Variants in MIER2 observed in about 807,000 individuals in gnomAD.
MIER2 encodes mesoderm induction early response protein 2.
MIER2 carries 30 observed loss-of-function variants against 67.6 expected under a neutral mutation model. That is an observed-to-expected ratio of 0.44 (90% confidence interval 0.33 to 0.60). The LOEUF is 0.60. Among genes scored for constraint, MIER2 ranks in the 20% least tolerant of loss-of-function variants. The pLI, the probability that MIER2 is intolerant of heterozygous loss-of-function variation, is 0.02. For synonymous variants in MIER2, 372 were observed against 312.6 expected, an observed-to-expected ratio of 1.19 and a Z score of -2.00; for missense variants, 702 against 745.1, an observed-to-expected ratio of 0.94 and a Z score of 0.67.
intron 7 of MIER2, among the ~76,000 whole-genome samples, chr19:318,754 A>C (rs1971368690): frequency 6.6e-6 from 1 of 152,192 alleles, no homozygotes; most frequent in Non-Finnish European, 1.5e-5. Context: ...AGTGTAATTC[A>C]ATTAAAAATC....
chr19:331,562 A>G (rs1972025981), intron 3 of MIER2, among the ~76,000 whole-genome samples: 1 of 152,076 alleles, frequency 6.6e-6, no homozygotes, highest in African/African-American at 2.4e-5. Flanking sequence ...CCAGTTATTC[A>G]GGAGGCTGAG....
In MIER2 at chr19:311,950, G is replaced by A. The variant is rs200483121; in HGVS notation, c.890-11C>T. The A allele has an allele frequency of 1.2e-5, 20 of 1,612,648 alleles. No individual in the cohort carries two copies. The highest frequency in any genetic ancestry group is 4.5e-5 in the East Asian group (2 of 44,856). On this transcript the variant is annotated splice_polypyrimidine_tract_variant and intron_variant, in intron 9 of 13. Coordinates refer to ENST00000264819, the MANE Select transcript of MIER2 (RefSeq NM_017550.3). ...AAGCACAGAGCCCATCTGCAAACAC[G>A]GCCGGGGAGAACGGTCAGTGGTGCC... is the stretch of plus-strand genomic sequence containing the variant.
At chr19:344,500 C>G (rs1035814963) in intron 1 of MIER2, 2 of 472,678 alleles carry the variant, frequency 4.2e-6, no homozygotes, top group African/African-American at 4.3e-5. Flanking sequence ...TCCCCTCCCC[C>G]ACCCCGGCCC....
chr19:313,621 C>A lies in MIER2; in HGVS notation c.678G>T (p.Leu226=), dbSNP rs371657426. The A allele has an allele frequency of 1.9e-6, 3 of 1,612,566 alleles. No homozygotes were observed. The highest frequency in any genetic ancestry group is 2.5e-6 in the Non-Finnish European group (3 of 1,179,912). ...CAGGGAGGACGCTGGGGTCCCAGAG[C>A]AGCTGGTCTTCGTTCTCGTAGACTG... ...CEKIYENEDQ[L]LWDPSVLPER... The change falls in exon 8 of 14, where the codon CTG becomes CTT. Residue 226 remains leucine, a synonymous_variant. Transcript: ENST00000264819.
chr19:325,093 A>G (rs10414938), intron 7 of MIER2, among the ~76,000 whole-genome samples: 64,239 of 152,160 alleles, frequency 0.42, 14,829 homozygotes, highest in East Asian at 0.67. Context: ...CAGGGCCTGC[A>G]AGGGCTCCAG....
chr19:335,980 C>T, intron 2 of MIER2, 103 bp downstream of exon 2: 1 of 1,141,170 alleles, frequency 8.8e-7, no homozygotes, highest in Non-Finnish European at 1.3e-6. Flanking sequence ...CTCTGGAAGC[C>T]AGTGTGCCGG....
intron 3 of MIER2, among the ~76,000 whole-genome samples, chr19:331,081 A>T (rs926240032): frequency 6.6e-6 from 1 of 152,114 alleles, no homozygotes; most frequent in Non-Finnish European, 1.5e-5. Flanking sequence ...ACAGAAACTG[A>T]CCAGGCGTGG....
intron 2 of MIER2, among the ~76,000 whole-genome samples, chr19:335,666 C>G (rs540074554): frequency 1.2e-4 from 19 of 152,306 alleles, no homozygotes; most frequent in African/African-American, 4.1e-4. Flanking sequence ...GACCTTGATG[C>G]CCACTGGGCA....
At chr19:337,657 A>AGCAGAT (rs1364815274) in intron 1 of MIER2, among the ~76,000 whole-genome samples, 17 of 150,392 alleles carry the variant, frequency 1.1e-4, no homozygotes, top group Admixed American at 4.6e-4. Context: ...CCTTGAGGTC[A>AGCAGAT]GGAGTTCAAG....
chr19:344,520 C>G (rs868383578), intron 1 of MIER2: 185 of 359,044 alleles, frequency 5.2e-4, no homozygotes, highest in African/African-American at 3.7e-3. Context: ...CCCGCCCGCC[C>G]CGCGCCGCCG....
chr19:315,327 T>G (rs1353889513), intron 7 of MIER2, among the ~76,000 whole-genome samples: 2 of 152,238 alleles, frequency 1.3e-5, no homozygotes, highest in Non-Finnish European at 2.9e-5. Flanking sequence ...ATCGCGCCAC[T>G]GCACTCCAGC....
At chr19:335,790 T>C (rs1254864699) in intron 2 of MIER2, among the ~76,000 whole-genome samples, 1 of 152,090 alleles carries the variant, frequency 6.6e-6, no homozygotes, top group Non-Finnish European at 1.5e-5. Flanking sequence ...CCTGGCAAGA[T>C]GAGGCAGCCC....
chr19:344,396 G>GCGGGGCCCGGGCCGGGGC, intron 1 of MIER2: 1 of 984,220 alleles, frequency 1.0e-6, no homozygotes, highest in Non-Finnish European at 1.2e-6. Flanking sequence ...CCTGCGCGCC[G>GCGGGGCCCGGGCCGGGGC]CGGGGCCCGG....
intron 7 of MIER2, among the ~76,000 whole-genome samples, chr19:314,026 G>A (rs1971131666): frequency 6.6e-6 from 1 of 152,226 alleles, no homozygotes; most frequent in South Asian, 2.1e-4. Context: ...AGTGAGACCA[G>A]TGAGGTGAGG....
chr19:311,878 A>G lies in MIER2; in HGVS notation c.951T>C (p.His317=), dbSNP rs550636419. 14 of 1,614,064 alleles carry G rather than the reference A, an allele frequency of 8.7e-6. No homozygotes were observed. The South Asian group carries it at 1.4e-4, about 16-fold the overall frequency. The change falls in exon 10 of 14, where the codon CAT becomes CAC. Residue 317 remains histidine, a synonymous_variant. Coordinates refer to ENST00000264819, the MANE Select transcript of MIER2 (RefSeq NM_017550.3). ...CCTGGATCAGGTGAAAGTTCTTTCC[A>G]TGCACACGGAAGCCGTGCTCAAAGT... The part of the protein sequence containing the change: ...CRNFEHGFRV[H]GKNFHLIQAN...
intron 1 of MIER2, among the ~76,000 whole-genome samples, chr19:342,509 T>C (rs1195894886): frequency 2.0e-5 from 3 of 151,392 alleles, no homozygotes; most frequent in Non-Finnish European, 4.4e-5. Flanking sequence ...GCTGTGGGAC[T>C]CAGCAAGGAG....
chr19:320,613 C>A (rs370888476), intron 7 of MIER2, among the ~76,000 whole-genome samples: 19 of 152,284 alleles, frequency 1.2e-4, no homozygotes, highest in Middle Eastern at 3.4e-3. Context: ...GCATTAGATT[C>A]TCATAGGAGC....
At chr19:323,862 G>A (rs1361473400) in intron 7 of MIER2, among the ~76,000 whole-genome samples, 1 of 149,412 alleles carries the variant, frequency 6.7e-6, no homozygotes, top group Non-Finnish European at 1.5e-5. Flanking sequence ...TGACACAGGC[G>A]TCATCACAAT....
chr19:328,936 T>C (rs571906766), intron 3 of MIER2, among the ~76,000 whole-genome samples: 1 of 152,286 alleles, frequency 6.6e-6, no homozygotes, highest in Admixed American at 6.5e-5. Context: ...GAAGTATAAA[T>C]AAGGCACGTA....
Sources: allele counts gnomAD v4.1 joint callset (sites outside exome capture counted in the v4.1 genomes callset), GRCh38; gene constraint gnomAD v4.1.1; transcripts MANE v1.5; gene names NCBI Gene and HGNC (gene_info 2026-07-23, HGNC 2026-07-21).